Variants in CRNKL1 observed in about 807,000 individuals in gnomAD.
CRNKL1 encodes the protein crooked neck-like protein 1.
CRNKL1 carries 35 observed loss-of-function variants against 103.7 expected under a neutral mutation model. The ratio of observed to expected loss-of-function variants is 0.34; its 90% CI spans 0.26 to 0.45. The LOEUF is 0.45. Ranked by LOEUF, CRNKL1 falls within the 20% of genes least tolerant of loss-of-function variation. The pLI is 1.00. For missense variants in CRNKL1, 645 were observed against 836.0 expected, an observed-to-expected ratio of 0.77 and a Z score of 2.82; for synonymous variants, 267 against 282.6, an observed-to-expected ratio of 0.94 and a Z score of 0.55.
chr20:20,038,245 A>G (rs1027747995), intron 12 of CRNKL1, 104 bp downstream of exon 12: 1 of 693,354 alleles, frequency 1.4e-6, no homozygotes, highest in Non-Finnish European at 2.4e-6. Flanking sequence ...CATTAAAAAA[A>G]AAAAAAAAAC....
chr20:20,054,026 T>TTGTTTTG (rs2044050314), upstream of CRNKL1, among the ~76,000 whole-genome samples: 2 of 150,184 alleles, frequency 1.3e-5, no homozygotes, highest in Non-Finnish European at 3.0e-5. Flanking sequence ...TTTTTTTTTT[T>TTGTTTTG]TTTTTTTTAG....
Position 20,048,234 on chromosome 20 carries a change from G to A in CRNKL1, c.455+109C>T, listed in dbSNP as rs542275797. The A allele has an allele frequency of 5.5e-6, 7 of 1,268,458 alleles. No individual in the cohort carries two copies. In the African/African-American group the frequency reaches 1.0e-4, roughly 19 times the overall value. The allele number at this position is 1,268,458 out of a possible 1,614,324, so 78.6% of individuals were successfully genotyped here. A position where few individuals can be genotyped will look rare whatever the true frequency, so the allele number is the denominator to read the frequency against. The stretch of plus-strand genomic sequence containing the variant: ...GGACATAACAGCATTTATGTCTGAA[G>A]AAAAAGTAGGATATCAAATTAAACT... On this transcript the variant is annotated intron_variant, in intron 4 of 13. Coordinates refer to ENST00000536226, the MANE Select transcript of CRNKL1 (RefSeq NM_001278628.2).
chr20:20,041,955 G>C lies in CRNKL1; in HGVS notation c.1165-330C>G, dbSNP rs151006123. On this transcript the variant is annotated intron_variant, in intron 8 of 13. Transcript: ENST00000536226. ...CAAATGATTTCTGAAAATGCCACTT[G>C]ATTTTTGCTAAAAGCAAAAATGCAT... Among the ~76,000 whole-genome samples the C allele has an allele frequency of 3.4e-3, 520 of 152,302 alleles. 3 individuals carry two copies. Among genetic ancestry groups the C allele is most frequent in the African/African-American group, 0.011 (472 of 41,562 alleles).
chr20:20,052,440 C>T lies in CRNKL1; in HGVS notation c.-98G>A. The T allele has an allele frequency of 6.2e-7, 1 of 1,614,240 alleles. No individual in the cohort carries two copies. Among genetic ancestry groups the T allele is most frequent in the Non-Finnish European group, 8.5e-7 (1 of 1,180,050 alleles). On this transcript the variant is annotated 5_prime_UTR_variant, in exon 1 of 14. Coordinates refer to ENST00000536226, the MANE Select transcript of CRNKL1 (RefSeq NM_001278628.2). ...AACCACAAAGCTTTCAGAAAACAAA[C>T]AGGATCTCGGAACCGGAAGCGGAAC...
At chr20:20,041,108 C>A (rs2043505862) in intron 9 of CRNKL1, among the ~76,000 whole-genome samples, 2 of 152,224 alleles carry the variant, frequency 1.3e-5, no homozygotes, top group South Asian at 4.1e-4. Flanking sequence ...GAATGTCCTA[C>A]CTCTATTCTG....
chr20:20,055,779 G>A (rs958699302), upstream of CRNKL1, among the ~76,000 whole-genome samples: 1 of 152,194 alleles, frequency 6.6e-6, no homozygotes, highest in African/African-American at 2.4e-5. Flanking sequence ...TTCGATAGGA[G>A]TCTAGACATT....
chr20:20,048,940 G>T (rs1382898334), intron 3 of CRNKL1, among the ~76,000 whole-genome samples: 1 of 152,158 alleles, frequency 6.6e-6, no homozygotes, highest in Non-Finnish European at 1.5e-5. Context: ...CAGGCACAGT[G>T]GGGGAAGGAG....
At chr20:20,043,442 G>A (rs367875493) in intron 7 of CRNKL1, 50 bp downstream of exon 7, 12 of 1,552,816 alleles carry the variant, frequency 7.7e-6, no homozygotes, top group South Asian at 6.8e-5. Context: ...TAGTATTGAT[G>A]AGCACATCTT....
rs767863661 is a variant in CRNKL1 at position 20,035,958 on chromosome 20, G to A, written c.*237C>T. 2.3e-4 allele frequency: 107 copies of A among 465,430 alleles called. No homozygotes were observed. Among genetic ancestry groups the A allele is most frequent in the Non-Finnish European group, 3.7e-4 (96 of 262,732 alleles). The allele number at this position is 465,430 out of a possible 1,614,324, so 28.8% of individuals were successfully genotyped here. On this transcript the variant is annotated 3_prime_UTR_variant, in exon 14 of 14. Coordinates refer to ENST00000536226, the MANE Select transcript of CRNKL1 (RefSeq NM_001278628.2). ...CATTTCCTAATGCATGATGTGGACA[G>A]ACATTAGAAAAGTTTGGACTCAGTT... is the stretch of plus-strand genomic sequence containing the variant.
rs571712073 is a variant in CRNKL1, at chr20:20,039,513, C to T, written c.1545+96G>A. On this transcript the variant is annotated intron_variant, in intron 11 of 13. Transcript: ENST00000536226. ...GAAGAGACTAAGTTAGTTAGATCAT[C>T]GTTATACTCTAAAATACACCCACAT... 50 of 1,421,596 alleles carry T rather than the reference C, an allele frequency of 3.5e-5. No homozygotes were observed. In the South Asian group the frequency reaches 5.7e-4, roughly 16 times the overall value. The allele number at this position is 1,421,596 out of a possible 1,614,324, so 88.1% of individuals were successfully genotyped here. A position where few individuals can be genotyped will look rare whatever the true frequency, so the allele number is the denominator to read the frequency against.
intron 7 of CRNKL1, 129 bp from the exon 8 acceptor site, chr20:20,042,645 G>A (rs2043534202): frequency 1.3e-6 from 1 of 793,088 alleles, no homozygotes. Context: ...AATGTTACAT[G>A]TTCTTTCATT....
rs2043436768 is a variant in CRNKL1, at chr20:20,037,353, C to T, written c.1866G>A (p.Lys622=). The T allele has an allele frequency of 1.2e-6, 2 of 1,614,006 alleles. No individual in the cohort carries two copies. The highest frequency in any genetic ancestry group is 2.2e-5 in the South Asian group (2 of 91,088). The change falls in exon 13 of 14, where the codon AAG becomes AAA. Residue 622 remains lysine (K), a synonymous_variant. Transcript: ENST00000536226. The part of the protein sequence containing the change: ...RVDKLMPEKV[K]KRRKVQTDDG... ...CATCAGTCTGGACCTTTCTTCTCTTCTTGACTTTCTCTGGCATGAGTTTGT... is the reference window on the plus strand; with the variant it reads ...CATCAGTCTGGACCTTTCTTCTCTTTTTGACTTTCTCTGGCATGAGTTTGT...
At chr20:20,054,017 T>TGTTTTG (rs761128007), upstream of CRNKL1, among the ~76,000 whole-genome samples, 1 of 147,632 alleles carries the variant, frequency 6.8e-6, no homozygotes, top group African/African-American at 2.5e-5. Context: ...TTGTTTGTTT[T>TGTTTTG]TTTTTTTTTT....
chr20:20,044,121 T>G (rs1202669864), intron 6 of CRNKL1, among the ~76,000 whole-genome samples: 1 of 152,134 alleles, frequency 6.6e-6, no homozygotes, highest in African/African-American at 2.4e-5. Flanking sequence ...CATTTGCTTC[T>G]CCCCAGCCCC....
At chr20:20,052,504 C>A (rs772951381), upstream of CRNKL1, 1 of 1,614,264 alleles carries the variant, frequency 6.2e-7, no homozygotes, top group Non-Finnish European at 8.5e-7. Flanking sequence ...TGAGCCGTGA[C>A]GGAGGCGGCA....
At position 20,039,971 on chromosome 20, in the gene CRNKL1, A is replaced by G. The variant is rs185497205; in HGVS notation, c.1306-123T>C. ...TCTTGCAAAGTCAACATGGCCTACC[A>G]TTCTTTCCCTCTGTGGTATCACAAT... On this transcript the variant is annotated intron_variant, in intron 10 of 13. Transcript: ENST00000536226. The G allele has an allele frequency of 7.8e-4, 752 of 959,132 alleles. 1 individual carries two copies. In the East Asian group the frequency reaches 9.1e-3, roughly 12 times the overall value. The allele number at this position is 959,132 out of a possible 1,614,324, so 59.4% of individuals were successfully genotyped here. A position where few individuals can be genotyped will look rare whatever the true frequency, so the allele number is the denominator to read the frequency against.
rs1471297162 is a variant in CRNKL1 at position 20,035,552 on chromosome 20, A to C, written c.*643T>G. The C allele has an allele frequency of 6.6e-6, 1 of 152,096 alleles. No homozygotes were observed. The highest frequency in any genetic ancestry group is 2.4e-5 in the African/African-American group (1 of 41,368). 9.4% of individuals were successfully genotyped at this position (152,096 alleles called of 1,614,324 possible). A position where few individuals can be genotyped will look rare whatever the true frequency, so the allele number is the denominator to read the frequency against. The stretch of plus-strand genomic sequence containing the variant: ...ATATAATCACTGCAAATTATTTTCC[A>C]AGTGTTGTTCTAAAAAACAATATAA... On this transcript the variant is annotated 3_prime_UTR_variant, in exon 14 of 14. Coordinates refer to ENST00000536226, the MANE Select transcript of CRNKL1 (RefSeq NM_001278628.2).
chr20:20,045,052 G>C (rs542384502), intron 6 of CRNKL1, among the ~76,000 whole-genome samples: 18 of 152,174 alleles, frequency 1.2e-4, no homozygotes, highest in African/African-American at 4.3e-4. Flanking sequence ...TCAGTTTACG[G>C]GCATTCAGAC....
In CRNKL1 at chr20:20,039,761, G is replaced by A. The variant is rs757086001; in HGVS notation, c.1393C>T (p.Arg465Trp). 5.6e-6 allele frequency: 9 copies of A among 1,614,070 alleles called. No homozygotes were observed. The highest frequency in any genetic ancestry group is 4.4e-5 in the South Asian group (4 of 91,078). The change falls in exon 11 of 14, where the codon CGG (arginine) becomes TGG (tryptophan). Residue 465 changes from arginine (R) to tryptophan (W), a missense_variant. By Grantham distance (101) the Arg-to-Trp change is moderately radical (BLOSUM62 -3). This residue lies in a region of CRNKL1 where 582 missense variants were observed against 707.7 expected (regional missense o/e 0.82). Coordinates refer to ENST00000536226, the MANE Select transcript of CRNKL1 (RefSeq NM_001278628.2). ...ELQLREFDRC[R>W]KLYEKFLEFG... ...TCCAGGAACTTTTCATAAAGCTTCC[G>A]GCATCTGTCAAATTCTCGAAGCTGT...
Sources: gnomAD v4.1 joint callset for allele counts (sites outside exome capture counted in the v4.1 genomes callset) on GRCh38, gnomAD v4.1.1 for gene constraint, gnomAD v4.1.1 regional missense constraint, MANE v1.5 for transcripts, NCBI Gene and HGNC (gene_info 2026-07-23, HGNC 2026-07-21) for gene names.